BMP6: variants seen among roughly 807,000 people sequenced by gnomAD.
BMP6 encodes the protein VG-1-R.
In BMP6, 17 loss-of-function variants were observed where a neutral mutation model predicts 54.1. That is an observed-to-expected ratio of 0.31 (90% CI 0.22 to 0.47). The LOEUF (loss-of-function observed/expected upper bound fraction) is 0.47, where lower values mean the gene tolerates loss of function less well. BMP6 is among the 20% of genes least tolerant of loss of function. The pLI is 1.00. For synonymous variants in BMP6, 328 were observed against 291.2 expected, an observed-to-expected ratio of 1.13 and a Z score of -1.28; for missense variants, 720 against 690.4, an observed-to-expected ratio of 1.04 and a Z score of -0.48.
chr6:7,837,803 A>G (rs534319174), intron 1 of BMP6, among the ~76,000 whole-genome samples: 173 of 152,354 alleles, frequency 1.1e-3, no homozygotes, highest in African/African-American at 4.1e-3. Context: ...AAATAAAATA[A>G]AATTTAAAAC....
At chr6:7,754,897 T>G (rs958100344) in intron 1 of BMP6, among the ~76,000 whole-genome samples, 2 of 152,156 alleles carry the variant, frequency 1.3e-5, no homozygotes, top group African/African-American at 2.4e-5. Context: ...TTTTTGTATT[T>G]TTAGTAGAGA....
At chr6:7,809,247 T>C (rs1009323344) in intron 1 of BMP6, among the ~76,000 whole-genome samples, 4 of 152,210 alleles carry the variant, frequency 2.6e-5, no homozygotes, top group Non-Finnish European at 5.9e-5. Context: ...ATAAACTCAT[T>C]GGAATGAGTG....
At chr6:7,869,915 G>C (rs1225926) in intron 4 of BMP6, among the ~76,000 whole-genome samples, 47,566 of 152,016 alleles carry the variant, frequency 0.31, 7,961 homozygotes, top group East Asian at 0.6. Context: ...AGCCAGAGGC[G>C]TGTGTGCTGG....
chr6:7,846,549 G>A (rs1759067368), intron 2 of BMP6, among the ~76,000 whole-genome samples: 1 of 152,182 alleles, frequency 6.6e-6, no homozygotes, highest in African/African-American at 2.4e-5. Flanking sequence ...GCCATGCTTT[G>A]GGACATTTCA....
chr6:7,735,129 C>T (rs891312731), intron 1 of BMP6, among the ~76,000 whole-genome samples: 1 of 152,256 alleles, frequency 6.6e-6, no homozygotes, highest in Non-Finnish European at 1.5e-5. Flanking sequence ...AGGCAGAGCC[C>T]CGGAGCCCGC....
At chr6:7,859,243 C>A (rs537139555) in intron 2 of BMP6, among the ~76,000 whole-genome samples, 1 of 152,288 alleles carries the variant, frequency 6.6e-6, no homozygotes, top group Non-Finnish European at 1.5e-5. Flanking sequence ...TTGGACGAGG[C>A]TGCCATTTTC....
At position 7,797,945 on chromosome 6, in the gene BMP6, C is replaced by T. The variant is rs180961874; in HGVS notation, c.665-47195C>T. 6.6e-5 allele frequency among the ~76,000 whole-genome samples: 10 copies of T among 152,244 alleles called. No individual in the cohort carries two copies. In the South Asian group the frequency reaches 1.2e-3, roughly 19 times the overall value. Reference sequence around the variant, plus strand: ...GGTTATTGAAAAGATCAGATGTATACGTTGATTTTTGTAAAGATCAGATGT... The same window carrying T: ...GGTTATTGAAAAGATCAGATGTATATGTTGATTTTTGTAAAGATCAGATGT... On this transcript the variant is annotated intron_variant, in intron 1 of 6. Coordinates refer to ENST00000283147, the MANE Select transcript of BMP6 (RefSeq NM_001718.6).
At chr6:7,796,690 G>T (rs769349242) in intron 1 of BMP6, among the ~76,000 whole-genome samples, 1 of 152,086 alleles carries the variant, frequency 6.6e-6, no homozygotes, top group East Asian at 1.9e-4. Context: ...TAAAATAAAT[G>T]TTTTCTCTTT....
intron 3 of BMP6, 69 bp from the exon 4 acceptor site, chr6:7,862,230 CCT>C: frequency 6.6e-7 from 1 of 1,523,314 alleles, no homozygotes; most frequent in South Asian, 1.1e-5. Flanking sequence ...AGGAAGTATC[CCT>C]TAACTGTTGT....
intron 1 of BMP6, among the ~76,000 whole-genome samples, chr6:7,826,014 C>T (rs1484988400): frequency 1.3e-5 from 2 of 152,200 alleles, no homozygotes; most frequent in African/African-American, 2.4e-5. Context: ...CCTGCCTGAT[C>T]ACACACACCA....
chr6:7,726,576 C>A lies in BMP6; in HGVS notation c.-380C>A, dbSNP rs35817144. On this transcript the variant is annotated 5_prime_UTR_variant, in exon 1 of 7. Transcript: ENST00000283147. ...TCGCCAGGGAGAGCGCGGGGCAGCG[C>A]ACGTGTGCGGCCAGCGAGGCCCAGA... 4.2e-3 allele frequency among the ~76,000 whole-genome samples: 639 copies of A among 152,254 alleles called. 5 individuals carry two copies. Among genetic ancestry groups the A allele is most frequent in the Middle Eastern group, 6.8e-3 (2 of 292 alleles).
intron 1 of BMP6, among the ~76,000 whole-genome samples, chr6:7,813,638 G>A: frequency 2.1e-5 from 1 of 48,708 alleles, no homozygotes; most frequent in Non-Finnish European, 3.1e-5. Flanking sequence ...GTGTGACCCT[G>A]TCTCAAAAAA....
Position 7,726,629 on chromosome 6 carries a change from A to AGGGCGCAGGCTGCAGTGCAGCCC in BMP6, c.-324_-302dup, listed in dbSNP as rs1443312041. 1.3e-5 allele frequency among the ~76,000 whole-genome samples: 2 copies of AGGGCGCAGGCTGCAGTGCAGCCC among 152,124 alleles called. No individual in the cohort carries two copies. The highest frequency in any genetic ancestry group is 2.9e-5 in the Non-Finnish European group (2 of 68,002). On this transcript the variant is annotated 5_prime_UTR_variant, in exon 1 of 7. Coordinates refer to ENST00000283147, the MANE Select transcript of BMP6 (RefSeq NM_001718.6). ...GACCGCGCCGCGACTCGCAGGAGCC[A>AGGGCGCAGGCTGCAGTGCAGCCC]GGGCGCAGGCTGCAGTGCAGCCCGG...
At chr6:7,750,833 C>T (rs772442488) in intron 1 of BMP6, among the ~76,000 whole-genome samples, 4 of 152,148 alleles carry the variant, frequency 2.6e-5, no homozygotes, top group Middle Eastern at 3.2e-3. Context: ...TATAAGATAA[C>T]TTCCTCACTC....
chr6:7,812,799 A>G (rs541208498), intron 1 of BMP6, among the ~76,000 whole-genome samples: 58 of 152,072 alleles, frequency 3.8e-4, no homozygotes, highest in African/African-American at 1.4e-3. Flanking sequence ...GAATTTCATT[A>G]TTATGTTTCT....
Position 7,861,431 on chromosome 6 carries a change from C to G in BMP6, c.858-20C>G, listed in dbSNP as rs562067759. 13 of 1,612,988 alleles carry G rather than the reference C, an allele frequency of 8.1e-6. No individual in the cohort carries two copies. The highest frequency in any genetic ancestry group is 1.1e-5 in the Non-Finnish European group (13 of 1,179,518). ...TTCAGGCAGTGCGCTATTTACCAGG[C>G]CATTTTTTCTTTCTTTCAGAGACTC... On this transcript the variant is annotated intron_variant, in intron 2 of 6. Coordinates refer to ENST00000283147, the MANE Select transcript of BMP6 (RefSeq NM_001718.6).
chr6:7,861,624 A>G (rs992462933), intron 3 of BMP6, 25 bp downstream of exon 3: 1 of 1,612,742 alleles, frequency 6.2e-7, no homozygotes, highest in Middle Eastern at 1.7e-4. Context: ...GCAAGCCTCC[A>G]ACGTCCAGCA....
At chr6:7,728,805 C>T (rs772797846) in intron 1 of BMP6, among the ~76,000 whole-genome samples, 51 of 152,324 alleles carry the variant, frequency 3.3e-4, no homozygotes, top group Non-Finnish European at 6.9e-4. Context: ...GCCAAAGGAG[C>T]ACACGGGTCT....
intron 4 of BMP6, among the ~76,000 whole-genome samples, chr6:7,865,278 G>A (rs1032084674): frequency 6.6e-6 from 1 of 151,760 alleles, no homozygotes; most frequent in Non-Finnish European, 1.5e-5. Flanking sequence ...GTCTCCCCCC[G>A]CCCACCTCCC....
Sources: gnomAD v4.1 joint callset for allele counts (sites outside exome capture counted in the v4.1 genomes callset) on GRCh38, gnomAD v4.1.1 for gene constraint, MANE v1.5 for transcripts, NCBI Gene and HGNC (gene_info 2026-07-23, HGNC 2026-07-21) for gene names.